BIN1: variants seen among roughly 807,000 people sequenced by gnomAD.
The protein encoded by BIN1 is myc box-dependent-interacting protein 1.
BIN1 carries 53 observed loss-of-function variants against 82.0 expected under a neutral mutation model. The ratio of observed to expected loss-of-function variants is 0.65; its 90% confidence interval spans 0.52 to 0.81. The LOEUF (loss-of-function observed/expected upper bound fraction) is 0.81, where lower values mean the gene tolerates loss of function less well. BIN1 is among the 40% of genes least tolerant of loss of function. BIN1 has a pLI of 0.00. For synonymous variants in BIN1, 302 were observed against 328.0 expected (o/e 0.92, Z 0.86); for missense variants, 642 against 784.4 (o/e 0.82, Z 2.17).
chr2:127,087,373 C>T (rs1029772629), intron 1 of BIN1, among the ~76,000 whole-genome samples: 5 of 152,234 alleles, frequency 3.3e-5, no homozygotes, highest in African/African-American at 1.2e-4. Flanking sequence ...GCCAGGAAGG[C>T]CCCCTCCCCG....
intron 13 of BIN1, 140 bp from the exon 14 acceptor site, chr2:127,053,585 G>C (rs1573547016): frequency 8.6e-7 from 1 of 1,160,908 alleles, no homozygotes; most frequent in East Asian, 2.6e-5. Flanking sequence ...GAGCCAGGTA[G>C]ACTCCAAGAT....
chr2:127,087,619 C>T (rs1424981538), intron 1 of BIN1, among the ~76,000 whole-genome samples: 1 of 152,202 alleles, frequency 6.6e-6, no homozygotes, highest in Non-Finnish European at 1.5e-5. Flanking sequence ...CTGGACCAGC[C>T]AAGGGCAGTG....
At chr2:127,052,534 T>C (rs1683096596) in intron 14 of BIN1, 172 bp from the exon 15 acceptor site, 1 of 623,100 alleles carries the variant, frequency 1.6e-6, no homozygotes, top group African/African-American at 1.8e-5. Flanking sequence ...TCCTCTCTCC[T>C]ACCACTGTCA....
At chr2:127,054,675 C>A in intron 12 of BIN1, 1 of 153,652 alleles carries the variant, frequency 6.5e-6, no homozygotes, top group Admixed American at 6.5e-5. Flanking sequence ...GCTTCAGAAC[C>A]ACCCGGGGCA....
At position 127,093,365 on chromosome 2, in the gene BIN1, A is replaced by G. The variant is rs1289323744; in HGVS notation, c.84+13495T>C. Among the ~76,000 whole-genome samples, 1 of 152,118 alleles carries G rather than the reference A, an allele frequency of 6.6e-6. No homozygotes were observed. The highest frequency in any genetic ancestry group is 1.5e-5 in the Non-Finnish European group (1 of 68,016). On this transcript the variant is annotated intron_variant, in intron 1 of 18. Coordinates refer to ENST00000316724, the MANE Select transcript of BIN1 (RefSeq NM_139343.3). The surrounding 1 kb of genome is among the most constrained non-coding windows in gnomAD (Gnocchi z 5.7). ...CTGGAATTTTTCTTTCCCAAGGTGA[A>G]GCATAAAGACCAAAACCCCTTTTCC...
At chr2:127,081,966 C>T (rs1219422491) in intron 1 of BIN1, 20 of 1,115,958 alleles carry the variant, frequency 1.8e-5, no homozygotes, top group African/African-American at 9.9e-5. Context: ...CGTGCCCCGG[C>T]GTTCTCACAC....
intron 1 of BIN1, 39 bp downstream of exon 1, chr2:127,106,821 G>T (rs778480591): frequency 9.6e-6 from 15 of 1,566,460 alleles, no homozygotes; most frequent in Non-Finnish European, 1.1e-5. Context: ...CTCCGCGGCG[G>T]CTGGGACTCC....
intron 2 of BIN1, among the ~76,000 whole-genome samples, chr2:127,075,742 A>G (rs147833714): frequency 0.025 from 1,344 of 52,822 alleles, 11 homozygotes; most frequent in Middle Eastern, 0.061. Context: ...GAATGCTCCC[A>G]GCCCTCCCAG....
chr2:127,071,104 G>C (rs1685834788), intron 2 of BIN1, among the ~76,000 whole-genome samples: 1 of 152,176 alleles, frequency 6.6e-6, no homozygotes, highest in Non-Finnish European at 1.5e-5. Flanking sequence ...GAGATGACGT[G>C]CTGGAGGTAC....
Position 127,048,472 on chromosome 2 carries a change from A to G in BIN1, c.*54T>C, listed in dbSNP as rs773264761. ...AACAAAACAAAAAAAAGAACCACAC[A>G]TTTTTCGGGAGGAGGTGTTCTTCAC... On this transcript the variant is annotated 3_prime_UTR_variant, in exon 19 of 19. Transcript: ENST00000316724. 10 of 1,521,326 alleles carry G rather than the reference A, an allele frequency of 6.6e-6. No individual in the cohort carries two copies. Among genetic ancestry groups the G allele is most frequent in the Non-Finnish European group, 8.2e-6 (9 of 1,098,256 alleles). The allele number at this position is 1,521,326 out of a possible 1,614,324, so 94.2% of individuals were successfully genotyped here. A position where few individuals can be genotyped will look rare whatever the true frequency, so the allele number is the denominator to read the frequency against.
At chr2:127,051,842 AGACT>A (rs1177715531) in intron 15 of BIN1, among the ~76,000 whole-genome samples, 1 of 152,214 alleles carries the variant, frequency 6.6e-6, no homozygotes, top group Non-Finnish European at 1.5e-5. Context: ...GCCGACACTC[AGACT>A]TGGCCACTTC....
chr2:127,058,276 C>G (rs1178695581), intron 11 of BIN1, among the ~76,000 whole-genome samples: 1 of 152,218 alleles, frequency 6.6e-6, no homozygotes, highest in Non-Finnish European at 1.5e-5. Context: ...ACACAGAAGG[C>G]ACTGGCACCA....
chr2:127,076,524 C>T (rs1239791636), intron 2 of BIN1, 102 bp downstream of exon 2: 2 of 1,336,818 alleles, frequency 1.5e-6, no homozygotes, highest in African/African-American at 2.9e-5. Flanking sequence ...ACTGATTACC[C>T]TCCTCCAAGC....
At chr2:127,049,255 T>TA (rs1336093548) in intron 18 of BIN1, among the ~76,000 whole-genome samples, 3 of 151,276 alleles carry the variant, frequency 2.0e-5, no homozygotes, top group Admixed American at 6.6e-5. Flanking sequence ...ATGCCCTATC[T>TA]GAGCCCCCTC....
Position 127,053,889 on chromosome 2 carries a change from G to C in BIN1, c.1239+16C>G, listed in dbSNP as rs550357998. The C allele has an allele frequency of 8.4e-6, 13 of 1,549,598 alleles. 1 individual carries two copies. The South Asian group carries it at 1.3e-4, about 16-fold the overall frequency. ...GGAAGCTGGTGGGCCCATGGGCAGTGGTGGGCACAACCAACCTGACCAGAG... is the reference window on the plus strand; with the variant it reads ...GGAAGCTGGTGGGCCCATGGGCAGTCGTGGGCACAACCAACCTGACCAGAG... On this transcript the variant is annotated intron_variant, in intron 13 of 18. Transcript: ENST00000316724.
chr2:127,052,161 G>A, intron 15 of BIN1, 94 bp downstream of exon 15: 1 of 1,287,292 alleles, frequency 7.8e-7, no homozygotes, highest in Non-Finnish European at 1.1e-6. Context: ...TGGTGGCCTG[G>A]TCCCTCCTGC....
chr2:127,101,913 A>T (rs1010285350), intron 1 of BIN1, among the ~76,000 whole-genome samples: 2 of 152,044 alleles, frequency 1.3e-5, no homozygotes, highest in Non-Finnish European at 2.9e-5. Context: ...TGTAATGGAC[A>T]CTCTGGGGAC....
chr2:127,058,946 A>G (rs900161907), intron 11 of BIN1, 65 bp downstream of exon 11: 1 of 1,544,316 alleles, frequency 6.5e-7, no homozygotes, highest in African/African-American at 1.4e-5. Flanking sequence ...AGGATGGAGG[A>G]CAACAGCAAA....
rs115212409 is a variant in BIN1, at chr2:127,067,326, G to A, written c.612+837C>T. Among the ~76,000 whole-genome samples the A allele has an allele frequency of 4.2e-3, 640 of 152,292 alleles. 3 individuals carry two copies. Among genetic ancestry groups the A allele is most frequent in the African/African-American group, 0.015 (620 of 41,568 alleles). On this transcript the variant is annotated intron_variant, in intron 7 of 18. Transcript: ENST00000316724. This position sits in a 1 kb window ranked among gnomAD's most constrained non-coding sequence, Gnocchi z 4.7. ...TGAAATGTGCCTCAGTTTCATTGGC[G>A]AGAAAACCACATGACCCACCTCTCA... is the stretch of plus-strand genomic sequence containing the variant.
Sources: allele counts gnomAD v4.1 joint callset (sites outside exome capture counted in the v4.1 genomes callset), GRCh38; gene constraint gnomAD v4.1.1; non-coding constraint Gnocchi (gnomAD v3.1); transcripts MANE v1.5; gene names NCBI Gene and HGNC (gene_info 2026-07-23, HGNC 2026-07-21).